FAF1: variants seen among roughly 807,000 people sequenced by gnomAD.
FAF1 encodes the protein Fas associated factor 1, also known as FAS-associated factor 1.
In FAF1, 25 loss-of-function variants were observed where a neutral mutation model predicts 92.5. The ratio of observed to expected loss-of-function variants is 0.27; its 90% confidence interval spans 0.20 to 0.38. The LOEUF (loss-of-function observed/expected upper bound fraction) is 0.38. Ranked by LOEUF, FAF1 falls within the 10% of genes least tolerant of loss-of-function variation. The pLI is 1.00. For synonymous variants in FAF1, 234 were observed against 273.2 expected (o/e 0.86, Z 1.42); for missense variants, 636 against 793.3 (o/e 0.80, Z 2.38).
In FAF1 at chr1:50,797,385, T is replaced by C. The variant is rs144345054; in HGVS notation, c.161+4246A>G. Among the ~76,000 whole-genome samples, 622 of 152,296 alleles carry C rather than the reference T, an allele frequency of 4.1e-3. 5 individuals carry two copies. The highest frequency in any genetic ancestry group is 0.014 in the African/African-American group (584 of 41,534). On this transcript the variant is annotated intron_variant, in intron 3 of 18. Transcript: ENST00000396153. ...TAATCATTATAGATTTACTAATCTA[T>C]AAATACCTTTTTTAAAAAAAGATAT... is the stretch of plus-strand genomic sequence containing the variant.
intron 1 of FAF1, among the ~76,000 whole-genome samples, chr1:50,866,353 G>A (rs757830322): frequency 6.6e-6 from 1 of 152,058 alleles, no homozygotes; most frequent in Non-Finnish European, 1.5e-5. Flanking sequence ...AGTCAGACAA[G>A]AGAAAGAAAT....
intron 15 of FAF1, among the ~76,000 whole-genome samples, chr1:50,516,314 C>CA (rs1286422099): frequency 5.9e-5 from 9 of 152,148 alleles, no homozygotes; most frequent in Non-Finnish European, 1.3e-4. Flanking sequence ...AACTTCCTTC[C>CA]ATTCCACTTG....
intron 1 of FAF1, among the ~76,000 whole-genome samples, chr1:50,936,182 C>T (rs997327933): frequency 5.9e-5 from 9 of 152,166 alleles, no homozygotes; most frequent in Middle Eastern, 3.4e-3. Context: ...TGCCAGGTAC[C>T]AGAAATAGCA....
intron 15 of FAF1, among the ~76,000 whole-genome samples, chr1:50,524,300 TAC>T (rs1265215296): frequency 2.0e-5 from 3 of 152,234 alleles, no homozygotes; most frequent in Non-Finnish European, 2.9e-5. Flanking sequence ...CTGTCAGATG[TAC>T]AGTTTGCAAA....
intron 7 of FAF1, among the ~76,000 whole-genome samples, chr1:50,694,525 A>G (rs1007289064): frequency 2.6e-5 from 4 of 151,350 alleles, no homozygotes; most frequent in African/African-American, 9.7e-5. Context: ...AGTAATGATT[A>G]TGGATCTCTT....
At chr1:50,631,614 A>C (rs1488070083) in intron 8 of FAF1, among the ~76,000 whole-genome samples, 1 of 152,226 alleles carries the variant, frequency 6.6e-6, no homozygotes, top group Non-Finnish European at 1.5e-5. Flanking sequence ...AAGAAAAAAC[A>C]ATCATGCTGA....
At chr1:50,490,689 C>A (rs760602552) in intron 16 of FAF1, 24 bp from the exon 17 acceptor site, 1 of 1,420,444 alleles carries the variant, frequency 7.0e-7, no homozygotes, top group Non-Finnish European at 1.0e-6. Context: ...AGAAAAGGAA[C>A]AAGCACTTAA....
At chr1:50,511,147 C>G (rs948081417) in intron 15 of FAF1, among the ~76,000 whole-genome samples, 16 of 152,090 alleles carry the variant, frequency 1.1e-4, no homozygotes, top group African/African-American at 3.9e-4. Flanking sequence ...ATCTCTTCAC[C>G]CTAATTAGTG....
intron 8 of FAF1, among the ~76,000 whole-genome samples, chr1:50,596,490 C>T (rs1164959965): frequency 6.6e-6 from 1 of 152,068 alleles, no homozygotes; most frequent in African/African-American, 2.4e-5. Flanking sequence ...CATACTTGCC[C>T]CCAATCCCCC....
At chr1:50,835,033 T>C (rs1316786850) in intron 2 of FAF1, among the ~76,000 whole-genome samples, 2 of 152,184 alleles carry the variant, frequency 1.3e-5, no homozygotes, top group African/African-American at 4.8e-5. Flanking sequence ...CAAGCAGTTA[T>C]GACAGACTAA....
At chr1:50,754,442 C>CA (rs1659995127) in intron 4 of FAF1, among the ~76,000 whole-genome samples, 1 of 152,178 alleles carries the variant, frequency 6.6e-6, no homozygotes, top group African/African-American at 2.4e-5. Context: ...TAGGAACAGA[C>CA]ACTATTACCA....
At chr1:50,459,753 A>G (rs1226196904) in intron 18 of FAF1, among the ~76,000 whole-genome samples, 1 of 152,108 alleles carries the variant, frequency 6.6e-6, no homozygotes, top group Non-Finnish European at 1.5e-5. Context: ...AATCCTTCCT[A>G]ATCAGAATAA....
intron 1 of FAF1, among the ~76,000 whole-genome samples, chr1:50,873,307 G>A (rs368177135): frequency 3.9e-5 from 6 of 152,226 alleles, no homozygotes; most frequent in Middle Eastern, 3.4e-3. Context: ...CGCATTGGTC[G>A]GGAACTGAGC....
chr1:50,959,801 T>C lies in FAF1; in HGVS notation c.11A>G (p.Asn4Ser). MAS[N>S]MDREMILADF... ...CGCCAGGATCATCTCCCGGTCCATGTTGGACGCCATGGCGGCCGCCGAGTT... is the reference window on the plus strand; with the variant it reads ...CGCCAGGATCATCTCCCGGTCCATGCTGGACGCCATGGCGGCCGCCGAGTT... Residue 4 changes from asparagine to serine, a missense_variant, in exon 1 of 19, where the codon AAC becomes AGC. Asn to Ser is a conservative substitution (Grantham distance 46). Around this residue, in one of 2 missense-constraint regions of FAF1, gnomAD observed 317 missense variants for 342.4 expected, o/e 0.93. Transcript: ENST00000396153. 1 of 1,583,688 alleles carries C rather than the reference T, an allele frequency of 6.3e-7. No homozygotes were observed. Among genetic ancestry groups the C allele is most frequent in the Non-Finnish European group, 8.6e-7 (1 of 1,164,320 alleles).
Position 50,788,119 on chromosome 1 carries a change from G to T in FAF1, c.248C>A (p.Ala83Glu), listed in dbSNP as rs189418216. 8.7e-6 allele frequency: 14 copies of T among 1,613,964 alleles called. No individual in the cohort carries two copies. Among genetic ancestry groups the T allele is most frequent in the African/African-American group, 1.3e-5 (1 of 74,914 alleles). ...CCTGGATGGCATTACAGGTCGAAAC[G>T]CTGAAGAAGAAGAGGAAGTAGGAGC... Reference protein sequence around the residue: ...ASAPTSSSSSAFRPVMPSRQI... With the variant: ...ASAPTSSSSSEFRPVMPSRQI... The change falls in exon 4 of 19, where the codon GCG becomes GAG. Residue 83 changes from alanine (A) to glutamate (E), a missense_variant. Ala to Glu is a moderately radical substitution (Grantham distance 107). Transcript: ENST00000396153.
At chr1:50,571,445 C>T (rs1422088582) in intron 12 of FAF1, among the ~76,000 whole-genome samples, 1 of 152,118 alleles carries the variant, frequency 6.6e-6, no homozygotes, top group Non-Finnish European at 1.5e-5. Context: ...AGGTTAAGTA[C>T]CTATTTACAA....
intron 7 of FAF1, among the ~76,000 whole-genome samples, chr1:50,672,364 A>G (rs1655934692): frequency 6.6e-6 from 1 of 150,538 alleles, no homozygotes; most frequent in Non-Finnish European, 1.5e-5. Context: ...TTTTGTTTTG[A>G]TTTTTTGAGA....
At chr1:50,549,544 C>T (rs1308930730) in intron 13 of FAF1, among the ~76,000 whole-genome samples, 1 of 152,052 alleles carries the variant, frequency 6.6e-6, no homozygotes, top group Non-Finnish European at 1.5e-5. Flanking sequence ...CTTTGGGAGG[C>T]TGAGGTGGGC....
At chr1:50,930,411 A>C (rs1570153555) in intron 1 of FAF1, among the ~76,000 whole-genome samples, 1 of 152,226 alleles carries the variant, frequency 6.6e-6, no homozygotes, top group Admixed American at 6.5e-5. Context: ...CTCAAAGCAC[A>C]ACTAGCTTCA....
Sources: allele counts gnomAD v4.1 joint callset (sites outside exome capture counted in the v4.1 genomes callset), GRCh38; gene constraint gnomAD v4.1.1; regional missense constraint gnomAD v4.1.1; transcripts MANE v1.5; gene names NCBI Gene and HGNC (gene_info 2026-07-23, HGNC 2026-07-21).